Variants in LRRC74A observed in about 807,000 individuals in gnomAD.
The protein encoded by LRRC74A is leucine rich repeat containing 74A, also known as leucine-rich repeat-containing protein 74A.
LRRC74A carries 44 observed loss-of-function variants against 57.9 expected under a neutral mutation model. That is an observed-to-expected ratio of 0.76 (90% CI 0.60 to 0.98). The LOEUF (loss-of-function observed/expected upper bound fraction) is 0.98, where lower values mean the gene tolerates loss of function less well. LRRC74A is among the 50% of genes least tolerant of loss of function. The pLI is 0.00. For missense variants in LRRC74A, 572 were observed against 574.0 expected (o/e 1.00, Z 0.04); for synonymous variants, 211 against 219.4 (o/e 0.96, Z 0.34).
At chr14:76,852,077 T>A (rs1023314056) in intron 7 of LRRC74A, among the ~76,000 whole-genome samples, 1 of 152,232 alleles carries the variant, frequency 6.6e-6, no homozygotes, top group Non-Finnish European at 1.5e-5. Context: ...GTATGCACAT[T>A]TTAATGGGAA....
intron 8 of LRRC74A, 131 bp from the exon 9 acceptor site, chr14:76,853,085 C>A: frequency 2.6e-6 from 2 of 766,196 alleles, no homozygotes; most frequent in Non-Finnish European, 4.3e-6. Flanking sequence ...AATGATCTGG[C>A]AGACCCATCA....
intron 5 of LRRC74A, among the ~76,000 whole-genome samples, chr14:76,841,559 GA>G (rs530102595): frequency 2.6e-5 from 4 of 151,148 alleles, no homozygotes; most frequent in Non-Finnish European, 4.4e-5. Flanking sequence ...AGAAAAAAAA[GA>G]AAAAAAACAC....
At chr14:76,860,605 G>T (rs1898219459) in intron 10 of LRRC74A, 88 bp from the exon 11 acceptor site, 1 of 1,298,582 alleles carries the variant, frequency 7.7e-7, no homozygotes, top group Admixed American at 2.6e-5. Flanking sequence ...CCTGACTTTG[G>T]CTTGGGTGGA....
At chr14:76,847,773 G>A (rs574803494) in intron 7 of LRRC74A, among the ~76,000 whole-genome samples, 1 of 152,252 alleles carries the variant, frequency 6.6e-6, no homozygotes, top group East Asian at 1.9e-4. Flanking sequence ...TGGAGGCCTG[G>A]CACAGTGGCT....
At chr14:76,855,783 C>T (rs564285959) in intron 9 of LRRC74A, among the ~76,000 whole-genome samples, 1 of 152,334 alleles carries the variant, frequency 6.6e-6, no homozygotes, top group Admixed American at 6.5e-5. Flanking sequence ...AGAGTTTTGG[C>T]TGCCTCATGT....
At chr14:76,839,793 C>T (rs982790761) in intron 5 of LRRC74A, among the ~76,000 whole-genome samples, 5 of 151,976 alleles carry the variant, frequency 3.3e-5, no homozygotes, top group Non-Finnish European at 7.4e-5. Context: ...GGTACTTTCT[C>T]GACCTCGACT....
chr14:76,860,864 GC>G, intron 11 of LRRC74A, 25 bp downstream of exon 11: 1 of 1,562,194 alleles, frequency 6.4e-7, no homozygotes, highest in Non-Finnish European at 8.7e-7. Context: ...TCCTCTCAGG[GC>G]CTCCAGGGAG....
rs190865403 is a variant in LRRC74A, at chr14:76,856,327, C to G, written c.958-1053C>G. Reference sequence around the variant, plus strand: ...GCTCCTTTCCTTGCTCCTGCAGTACCCAGGTGTACCTCTGTCACTGCTGTC... The same window carrying G: ...GCTCCTTTCCTTGCTCCTGCAGTACGCAGGTGTACCTCTGTCACTGCTGTC... On this transcript the variant is annotated intron_variant, in intron 9 of 13. Transcript: ENST00000689127. Among the ~76,000 whole-genome samples the G allele has an allele frequency of 4.7e-4, 71 of 152,320 alleles. No individual in the cohort carries two copies. The East Asian group carries it at 7.9e-3, about 17-fold the overall frequency.
At chr14:76,830,054 G>A (rs965786511) in intron 2 of LRRC74A, among the ~76,000 whole-genome samples, 3 of 152,200 alleles carry the variant, frequency 2.0e-5, no homozygotes, top group Non-Finnish European at 4.4e-5. Context: ...ACCCTACTAT[G>A]TATAGGACAG....
At chr14:76,828,591 T>C in intron 2 of LRRC74A, 172 bp downstream of exon 2, 1 of 952,368 alleles carries the variant, frequency 1.1e-6, no homozygotes, top group Non-Finnish European at 1.6e-6. Context: ...TCCTCCGGGC[T>C]GGCAGGGGAG....
chr14:76,829,819 T>C (rs989623755), intron 2 of LRRC74A, among the ~76,000 whole-genome samples: 3 of 152,058 alleles, frequency 2.0e-5, no homozygotes, highest in Non-Finnish European at 4.4e-5. Context: ...ACACTGGGAA[T>C]GGGCAGGGAG....
chr14:76,844,083 C>T (rs1566726662), intron 5 of LRRC74A, among the ~76,000 whole-genome samples: 1 of 152,168 alleles, frequency 6.6e-6, no homozygotes, highest in South Asian at 2.1e-4. Flanking sequence ...ACTGCAGCCT[C>T]GACCTCCTGG....
At chr14:76,858,136 C>T (rs1295577490) in intron 10 of LRRC74A, among the ~76,000 whole-genome samples, 1 of 152,170 alleles carries the variant, frequency 6.6e-6, no homozygotes, top group Non-Finnish European at 1.5e-5. Flanking sequence ...TATTAATTTC[C>T]TAAGGCTGCT....
rs537536049 is a variant in LRRC74A, at chr14:76,854,412, A to G, written c.957+1002A>G. ...CGCTTGAGGTCACCAGTTTAAGACC[A>G]GCCTGGCCAACATGGTGAAACCTTG... On this transcript the variant is annotated intron_variant, in intron 9 of 13. Coordinates refer to ENST00000689127, the MANE Select transcript of LRRC74A (RefSeq NM_001385106.1). Among the ~76,000 whole-genome samples the G allele has an allele frequency of 8.5e-5, 13 of 152,360 alleles. 1 individual carries two copies. In the South Asian group the frequency reaches 2.7e-3, roughly 32 times the overall value.
chr14:76,860,523 A>G (rs369456024), intron 10 of LRRC74A, among the ~76,000 whole-genome samples, 170 bp from the exon 11 acceptor site: 9 of 152,236 alleles, frequency 5.9e-5, no homozygotes, highest in African/African-American at 2.2e-4. Context: ...AAGTCAATTT[A>G]CAAGCTCTAA....
intron 7 of LRRC74A, among the ~76,000 whole-genome samples, chr14:76,847,913 C>A (rs1337937993): frequency 6.6e-6 from 1 of 152,062 alleles, no homozygotes. Context: ...GTGTCTCACA[C>A]CTGTAATCCC....
chr14:76,845,016 G>A, intron 7 of LRRC74A, 115 bp downstream of exon 7: 1 of 654,542 alleles, frequency 1.5e-6, no homozygotes, highest in Non-Finnish European at 2.7e-6. Context: ...TAAAAGTGAT[G>A]TAAACATGCC....
chr14:76,832,252 G>A (rs1200947745), intron 3 of LRRC74A, among the ~76,000 whole-genome samples: 2 of 152,192 alleles, frequency 1.3e-5, no homozygotes, highest in African/African-American at 2.4e-5. Context: ...AATGATCACA[G>A]GGTGGCCAAG....
At chr14:76,852,152 G>A (rs1164091442) in intron 7 of LRRC74A, among the ~76,000 whole-genome samples, 5 of 152,160 alleles carry the variant, frequency 3.3e-5, no homozygotes. Flanking sequence ...CCTAAACTAT[G>A]TAAGGAGGAT....
Sources: allele counts gnomAD v4.1 joint callset (sites outside exome capture counted in the v4.1 genomes callset), GRCh38; gene constraint gnomAD v4.1.1; transcripts MANE v1.5; gene names NCBI Gene and HGNC (gene_info 2026-07-23, HGNC 2026-07-21).